ASTN1: variants seen among roughly 807,000 people sequenced by gnomAD.
The protein encoded by ASTN1 is astrotactin-1.
Under a neutral mutation model 140.7 loss-of-function variants are expected in ASTN1, and 41 were observed. The ratio of observed to expected loss-of-function variants is 0.29; its 90% CI spans 0.23 to 0.38. ASTN1 has a LOEUF of 0.38. ASTN1 is among the 10% of genes least tolerant of loss of function. The probability of loss-of-function intolerance (pLI) is 1.00; values close to 1 mark genes in which losing one functional copy is unlikely to be tolerated. For synonymous variants in ASTN1, 640 were observed against 652.2 expected (o/e 0.98, Z 0.29); for missense variants, 1,479 against 1,678.8 (o/e 0.88, Z 2.08).
intron 1 of ASTN1, among the ~76,000 whole-genome samples, chr1:177,078,297 G>C (rs2102069946): frequency 6.6e-6 from 1 of 152,268 alleles, no homozygotes; most frequent in Admixed American, 6.5e-5. Context: ...CTTCATCCCT[G>C]TGGGGTCACT....
chr1:176,861,921 T>A lies in ASTN1; in HGVS notation c.*2363A>T. ...AGAGGGTACAGAGGAGTGACTCTGA[T>A]ACCTGCTTCACCCTCTCCCTGGCCT... On this transcript the variant is annotated 3_prime_UTR_variant, in exon 23 of 23. Transcript: ENST00000361833. 1.0e-6 allele frequency: 1 copy of A among 985,426 alleles called. No individual in the cohort carries two copies. Among genetic ancestry groups the A allele is most frequent in the Non-Finnish European group, 1.2e-6 (1 of 829,960 alleles). 61.0% of individuals were successfully genotyped at this position (985,426 alleles called of 1,614,324 possible). A position where few individuals can be genotyped will look rare whatever the true frequency, so the allele number is the denominator to read the frequency against.
At chr1:176,968,438 A>G (rs1672980095) in intron 8 of ASTN1, among the ~76,000 whole-genome samples, 1 of 152,234 alleles carries the variant, frequency 6.6e-6, no homozygotes, top group Admixed American at 6.5e-5. Flanking sequence ...AGGAGGCAAC[A>G]TGAGTATGGA....
chr1:177,155,003 C>A (rs560179871), intron 1 of ASTN1, among the ~76,000 whole-genome samples: 10 of 152,064 alleles, frequency 6.6e-5, no homozygotes, highest in Admixed American at 5.2e-4. Flanking sequence ...GTACTTCATG[C>A]AATGGAATAT....
In ASTN1 at chr1:176,934,253, A is replaced by G; in HGVS notation, c.2570T>C (p.Ile857Thr). The change falls in exon 16 of 23, where the codon ATC (isoleucine) becomes ACC (threonine). Residue 857 changes from isoleucine to threonine, a missense_variant. Ile to Thr is a moderately conservative substitution (Grantham distance 89, BLOSUM62 -1). Around this residue, in one of 3 missense-constraint regions of ASTN1, gnomAD observed 746 missense variants for 800.9 expected, o/e 0.93. Transcript: ENST00000361833. ...CTCAAAGCCGTAGATAGCTTCCTGGATGTAATGGTTGCCGAACTGGTCCAA... is the reference window on the plus strand; with the variant it reads ...CTCAAAGCCGTAGATAGCTTCCTGGGTGTAATGGTTGCCGAACTGGTCCAA... ...ALLDQFGNHYIQEAIYGFEES... is the reference protein window; with the variant it reads ...ALLDQFGNHYTQEAIYGFEES... 1 of 1,614,052 alleles carries G rather than the reference A, an allele frequency of 6.2e-7. No individual in the cohort carries two copies. The highest frequency in any genetic ancestry group is 8.5e-7 in the Non-Finnish European group (1 of 1,179,986).
At chr1:177,048,549 C>A (rs952964095) in intron 2 of ASTN1, among the ~76,000 whole-genome samples, 1 of 152,176 alleles carries the variant, frequency 6.6e-6, no homozygotes, top group Non-Finnish European at 1.5e-5. Context: ...ACTCTGCCTC[C>A]GGCTTTACCT....
At chr1:177,133,669 G>C (rs1161212866) in intron 1 of ASTN1, among the ~76,000 whole-genome samples, 1 of 152,194 alleles carries the variant, frequency 6.6e-6, no homozygotes, top group Non-Finnish European at 1.5e-5. Flanking sequence ...TATGCATCTA[G>C]CAATAATTTG....
Position 177,164,511 on chromosome 1 carries a change from T to C in ASTN1, c.166A>G (p.Met56Val), listed in dbSNP as rs1467993889. The C allele has an allele frequency of 6.2e-7, 1 of 1,613,446 alleles. No individual in the cohort carries two copies. Among genetic ancestry groups the C allele is most frequent in the South Asian group, 1.1e-5 (1 of 91,048 alleles). Residue 56 changes from methionine (M) to valine (V), a missense_variant, in exon 1 of 23, where the codon ATG becomes GTG. This residue lies in a region of ASTN1 where 729 missense variants were observed against 860.4 expected (regional missense o/e 0.85). Coordinates refer to ENST00000361833, the MANE Select transcript of ASTN1 (RefSeq NM_004319.3). ...PFLRENDLSI[M>V]HSPSASEPKL... ...GGCTCCGAGGCCGAGGGGCTGTGCA[T>C]GATGCTCAGGTCGTTCTCGCGCAGG... is the stretch of plus-strand genomic sequence containing the variant.
intron 1 of ASTN1, among the ~76,000 whole-genome samples, chr1:177,156,520 A>C (rs896393269): frequency 2.0e-5 from 3 of 152,196 alleles, no homozygotes; most frequent in African/African-American, 7.2e-5. Context: ...ATAAAGTAGT[A>C]CTGAATTAAA....
intron 14 of ASTN1, among the ~76,000 whole-genome samples, chr1:176,939,926 C>T (rs952829179): frequency 6.6e-6 from 1 of 151,930 alleles, no homozygotes; most frequent in East Asian, 1.9e-4. Flanking sequence ...AGGGAGGACA[C>T]TAGCTTTTTC....
rs531230233 is a variant in ASTN1, at chr1:177,128,646, C to T, written c.283+35748G>A. Among the ~76,000 whole-genome samples the T allele has an allele frequency of 2.0e-5, 3 of 152,210 alleles. No homozygotes were observed. In the South Asian group the frequency reaches 6.2e-4, roughly 32 times the overall value. On this transcript the variant is annotated intron_variant, in intron 1 of 22. Coordinates refer to ENST00000361833, the MANE Select transcript of ASTN1 (RefSeq NM_004319.3). ...AACATCTGTGAGAAAATCACTCTTC[C>T]CTTTTTTCTGTGATTTCAAAAGTGT...
Position 176,985,710 on chromosome 1 carries a change from GCAT to G in ASTN1, c.1524-20476_1524-20474del, listed in dbSNP as rs139992148. On this transcript the variant is annotated intron_variant, in intron 8 of 22. Transcript: ENST00000361833. ...GCTAAAAGCCCCTCTACCTGGACAG[GCAT>G]TGACCACTCCATCCTGTCCTTCTGA... Among the ~76,000 whole-genome samples, 718 of 152,190 alleles carry G rather than the reference GCAT, an allele frequency of 4.7e-3. 3 individuals carry two copies. Among genetic ancestry groups the G allele is most frequent in the Non-Finnish European group, 8.2e-3 (557 of 68,014 alleles).
chr1:177,076,278 CAA>C (rs1171864161), intron 1 of ASTN1, among the ~76,000 whole-genome samples: 31 of 77,716 alleles, frequency 4.0e-4, no homozygotes, highest in African/African-American at 1.4e-3. Context: ...GACTATGTCT[CAA>C]AAAAAAAAAA....
At chr1:176,873,904 A>G (rs570957494) in intron 21 of ASTN1, among the ~76,000 whole-genome samples, 9 of 152,296 alleles carry the variant, frequency 5.9e-5, no homozygotes, top group African/African-American at 2.2e-4. Flanking sequence ...GGAGCCCCGC[A>G]TGGAAAACTG....
At chr1:177,128,718 C>A (rs993941426) in intron 1 of ASTN1, among the ~76,000 whole-genome samples, 1 of 152,162 alleles carries the variant, frequency 6.6e-6, no homozygotes, top group South Asian at 2.1e-4. Context: ...GACTAATCTC[C>A]TATGGGGCAA....
intron 1 of ASTN1, among the ~76,000 whole-genome samples, chr1:177,117,227 C>T (rs1289617007): frequency 6.6e-6 from 1 of 152,104 alleles, no homozygotes; most frequent in Non-Finnish European, 1.5e-5. Flanking sequence ...ACTCAGTGAC[C>T]AAGTCCTCCA....
rs140394020 is a variant in ASTN1 at position 177,081,334 on chromosome 1, C to A, written c.284-20069G>T. Among the ~76,000 whole-genome samples, 91 of 152,134 alleles carry A rather than the reference C, an allele frequency of 6.0e-4. 2 individuals carry two copies. In the South Asian group the frequency reaches 7.7e-3, roughly 13 times the overall value. On this transcript the variant is annotated intron_variant, in intron 1 of 22. Transcript: ENST00000361833. ...ATTTCATGCCAATTACTAAAGATTA[C>A]AAATATGAATGAGCTTGTCCATAAG...
At chr1:177,108,408 T>A (rs1029723268) in intron 1 of ASTN1, among the ~76,000 whole-genome samples, 4 of 151,376 alleles carry the variant, frequency 2.6e-5, no homozygotes, top group African/African-American at 9.7e-5. Flanking sequence ...AGGGGATGTG[T>A]GTATTTGACT....
At chr1:176,926,657 C>T (rs371176344) in intron 16 of ASTN1, among the ~76,000 whole-genome samples, 1 of 152,170 alleles carries the variant, frequency 6.6e-6, no homozygotes, top group African/African-American at 2.4e-5. Flanking sequence ...TAACTGTATG[C>T]CATAATTGCT....
chr1:176,972,952 A>T (rs1673204380), intron 8 of ASTN1, among the ~76,000 whole-genome samples: 1 of 152,044 alleles, frequency 6.6e-6, no homozygotes, highest in African/African-American at 2.4e-5. Flanking sequence ...TGCTACAGTC[A>T]TACCTATACT....
Sources: gnomAD v4.1 joint callset for allele counts (sites outside exome capture counted in the v4.1 genomes callset) on GRCh38, gnomAD v4.1.1 for gene constraint, gnomAD v4.1.1 regional missense constraint, MANE v1.5 for transcripts, NCBI Gene and HGNC (gene_info 2026-07-23, HGNC 2026-07-21) for gene names.